The following AKAP6 variants were observed in gnomAD, a reference collection of about 807,000 sequenced individuals.
AKAP6 encodes A-kinase anchoring protein 6, also known as A-kinase anchor protein 6.
Under a neutral mutation model 188.5 loss-of-function variants are expected in AKAP6, and 58 were observed. The ratio of observed to expected loss-of-function variants is 0.31; its 90% confidence interval spans 0.25 to 0.38. AKAP6 has a LOEUF of 0.38. Among genes scored for constraint, AKAP6 ranks in the 10% least tolerant of loss-of-function variants. The probability of loss-of-function intolerance (pLI) is 1.00; values close to 1 mark genes in which losing one functional copy is unlikely to be tolerated. For missense variants in AKAP6, 2,710 were observed against 2,740.0 expected (o/e 0.99, Z 0.24); for synonymous variants, 989 against 998.6 (o/e 0.99, Z 0.18).
At chr14:32,344,697 C>T (rs1044172242) in intron 1 of AKAP6, among the ~76,000 whole-genome samples, 1 of 152,144 alleles carries the variant, frequency 6.6e-6, no homozygotes, top group Non-Finnish European at 1.5e-5. Context: ...AGTCAGATCA[C>T]TTGAAGTCAG....
At chr14:32,550,201 G>A (rs1883392295) in intron 4 of AKAP6, among the ~76,000 whole-genome samples, 1 of 152,230 alleles carries the variant, frequency 6.6e-6, no homozygotes, top group South Asian at 2.1e-4. Flanking sequence ...CAAAAATGCA[G>A]CTAGGTTTTC....
intron 9 of AKAP6, among the ~76,000 whole-genome samples, chr14:32,709,308 C>G (rs1890942251): frequency 6.9e-6 from 1 of 145,502 alleles, no homozygotes; most frequent in Non-Finnish European, 1.5e-5. Flanking sequence ...AGCATTGGAG[C>G]ACAACGATTT....
At chr14:32,627,820 T>G (rs1887088732) in intron 7 of AKAP6, among the ~76,000 whole-genome samples, 1 of 152,110 alleles carries the variant, frequency 6.6e-6, no homozygotes, top group African/African-American at 2.4e-5. Flanking sequence ...TTAACTTCCT[T>G]TTTAAGCTTT....
chr14:32,818,925 G>C (rs1166196569), intron 12 of AKAP6, among the ~76,000 whole-genome samples: 2 of 152,206 alleles, frequency 1.3e-5, no homozygotes, highest in East Asian at 3.8e-4. Flanking sequence ...AGCACTCTCA[G>C]AGTACAGTGT....
chr14:32,807,603 G>A (rs547161800), intron 12 of AKAP6, among the ~76,000 whole-genome samples: 316 of 152,268 alleles, frequency 2.1e-3, no homozygotes, highest in Non-Finnish European at 3.5e-3. Context: ...GACTCTGTGA[G>A]AATATTAAAT....
At chr14:32,732,368 T>G in intron 9 of AKAP6, 86 bp from the exon 10 acceptor site, 1 of 1,466,568 alleles carries the variant, frequency 6.8e-7, no homozygotes, top group South Asian at 1.3e-5. Context: ...CTTTTAATGC[T>G]CGTAAGCATC....
At position 32,821,665 on chromosome 14, in the gene AKAP6, C is replaced by T. The variant is rs1367908857; in HGVS notation, c.3852C>T (p.His1284=). Residue 1284 remains histidine, a synonymous_variant, in exon 13 of 14, where the codon CAC becomes CAT. Coordinates refer to ENST00000280979, the MANE Select transcript of AKAP6 (RefSeq NM_004274.5). ...ASNITAPSSP[H]IYQVYSLHNV... is the part of the protein sequence containing the mutation. ...ATATTACTGCCCCCTCTAGTCCACA[C>T]ATTTACCAGGTGTACAGCCTCCACA... 2.5e-6 allele frequency: 4 copies of T among 1,613,790 alleles called. No homozygotes were observed. The highest frequency in any genetic ancestry group is 3.3e-5 in the Admixed American group (2 of 59,890).
rs191048466 is a variant in AKAP6 at position 32,375,320 on chromosome 14, G to A, written c.-35+45912G>A. Among the ~76,000 whole-genome samples the A allele has an allele frequency of 7.4e-4, 113 of 152,300 alleles. 1 individual carries two copies. Among genetic ancestry groups the A allele is most frequent in the Middle Eastern group, 3.4e-3 (1 of 294 alleles). Reference sequence around the variant, plus strand: ...AGTACACTACAACAGAAGATACTATGTGCAGTTTTGAACATGATAAGCTCA... The same window carrying A: ...AGTACACTACAACAGAAGATACTATATGCAGTTTTGAACATGATAAGCTCA... On this transcript the variant is annotated intron_variant, in intron 1 of 13. Coordinates refer to ENST00000280979, the MANE Select transcript of AKAP6 (RefSeq NM_004274.5).
At chr14:32,795,992 G>A (rs1555363355) in intron 12 of AKAP6, among the ~76,000 whole-genome samples, 1 of 152,014 alleles carries the variant, frequency 6.6e-6, no homozygotes, top group Non-Finnish European at 1.5e-5. Context: ...CCAACAACAG[G>A]TAAGCAGATA....
intron 1 of AKAP6, among the ~76,000 whole-genome samples, chr14:32,352,094 TG>T (rs1887296355): frequency 1.9e-5 from 2 of 102,948 alleles, no homozygotes; most frequent in Admixed American, 9.6e-5. Context: ...TGTGTGTGTG[TG>T]TGTGTGTTTG....
chr14:32,525,486 A>G (rs2139077634), intron 2 of AKAP6, among the ~76,000 whole-genome samples: 1 of 152,308 alleles, frequency 6.6e-6, no homozygotes, highest in East Asian at 1.9e-4. Flanking sequence ...GTGAAGGCAG[A>G]AGTGTGAATG....
intron 2 of AKAP6, among the ~76,000 whole-genome samples, chr14:32,519,925 A>G (rs1226331295): frequency 6.6e-6 from 1 of 152,194 alleles, no homozygotes; most frequent in Non-Finnish European, 1.5e-5. Context: ...ACTTATTCCA[A>G]AATTGACCAC....
chr14:32,793,375 C>A (rs2033667758), intron 12 of AKAP6, among the ~76,000 whole-genome samples: 1 of 151,816 alleles, frequency 6.6e-6, no homozygotes, highest in Admixed American at 6.6e-5. Context: ...GGTTGCAATC[C>A]CAGTTTCTGA....
chr14:32,431,821 C>A (rs1890236386), intron 1 of AKAP6, among the ~76,000 whole-genome samples: 1 of 152,142 alleles, frequency 6.6e-6, no homozygotes, highest in Non-Finnish European at 1.5e-5. Context: ...GCCTTCTCCT[C>A]ACCATTGAAT....
chr14:32,659,112 TA>T (rs1888576781), intron 7 of AKAP6, among the ~76,000 whole-genome samples: 1 of 152,126 alleles, frequency 6.6e-6, no homozygotes, highest in Non-Finnish European at 1.5e-5. Context: ...ATTTATTGAC[TA>T]AAGTGGATAT....
At chr14:32,787,804 T>C (rs2033469061) in intron 12 of AKAP6, among the ~76,000 whole-genome samples, 1 of 152,100 alleles carries the variant, frequency 6.6e-6, no homozygotes, top group African/African-American at 2.4e-5. Flanking sequence ...TCCAATAAAT[T>C]TATTTTTCTT....
At chr14:32,596,574 A>G (rs1167731953) in intron 5 of AKAP6, among the ~76,000 whole-genome samples, 1 of 152,188 alleles carries the variant, frequency 6.6e-6, no homozygotes, top group Non-Finnish European at 1.5e-5. Context: ...GTCATCCAGG[A>G]ACCAGATTAC....
At chr14:32,589,666 G>A (rs2139313684) in intron 5 of AKAP6, among the ~76,000 whole-genome samples, 1 of 152,286 alleles carries the variant, frequency 6.6e-6, no homozygotes, top group East Asian at 1.9e-4. Flanking sequence ...ATAATACCCA[G>A]TAGTTATTGT....
intron 7 of AKAP6, among the ~76,000 whole-genome samples, chr14:32,634,490 C>T (rs1887404612): frequency 6.6e-6 from 1 of 152,068 alleles, no homozygotes; most frequent in East Asian, 1.9e-4. Context: ...ATTGTTGTTT[C>T]CTGTGAATTA....
Sources: gnomAD v4.1 joint callset for allele counts (sites outside exome capture counted in the v4.1 genomes callset) on GRCh38, gnomAD v4.1.1 for gene constraint, MANE v1.5 for transcripts, NCBI Gene and HGNC (gene_info 2026-07-23, HGNC 2026-07-21) for gene names.